The following TCF12 variants were observed in gnomAD, a reference collection of about 807,000 sequenced individuals.
The protein encoded by TCF12 is transcription factor 12.
In TCF12, 45 loss-of-function variants were observed where a neutral mutation model predicts 86.0. The observed-to-expected ratio is 0.52, with a 90% confidence interval of 0.41 to 0.67. The LOEUF is 0.67. TCF12 is among the 30% of genes least tolerant of loss of function. The pLI, the probability that TCF12 is intolerant of heterozygous loss-of-function variation, is 0.00. For synonymous variants in TCF12, 330 were observed against 299.6 expected (o/e 1.10, Z -1.05); for missense variants, 881 against 859.9 (o/e 1.02, Z -0.31).
At chr15:57,223,485 C>T (rs1597421240) in intron 8 of TCF12, among the ~76,000 whole-genome samples, 1 of 151,864 alleles carries the variant, frequency 6.6e-6, no homozygotes, top group African/African-American at 2.4e-5. Flanking sequence ...TTCATGAATA[C>T]TAATTGATGT....
At chr15:56,941,868 G>T (rs1214641269) in intron 3 of TCF12, among the ~76,000 whole-genome samples, 1 of 152,076 alleles carries the variant, frequency 6.6e-6, no homozygotes, top group Non-Finnish European at 1.5e-5. Context: ...TCTCATCTCA[G>T]TAATCTTCTT....
At chr15:56,961,631 A>G (rs34262415) in intron 3 of TCF12, among the ~76,000 whole-genome samples, 59,004 of 152,074 alleles carry the variant, frequency 0.39, 14,248 homozygotes, top group Non-Finnish European at 0.53. Flanking sequence ...AACTTTCCTC[A>G]TGTTTCAAAC....
intron 3 of TCF12, among the ~76,000 whole-genome samples, chr15:56,999,318 A>T (rs1436581864): frequency 6.6e-6 from 1 of 152,178 alleles, no homozygotes; most frequent in African/African-American, 2.4e-5. Flanking sequence ...TGACATTAAA[A>T]GTTGAGTTTC....
chr15:57,049,574 A>G (rs2067474722), intron 3 of TCF12, among the ~76,000 whole-genome samples: 1 of 152,214 alleles, frequency 6.6e-6, no homozygotes, highest in South Asian at 2.1e-4. Flanking sequence ...GTAGTATTTC[A>G]TTGTATCAAT....
intron 16 of TCF12, among the ~76,000 whole-genome samples, chr15:57,256,554 A>T (rs1012778111): frequency 1.8e-5 from 1 of 56,376 alleles, no homozygotes; most frequent in Non-Finnish European, 3.7e-5. Flanking sequence ...CCCCACCCCC[A>T]CCCCCACCCC....
At chr15:57,203,887 C>T (rs1421386780) in intron 8 of TCF12, among the ~76,000 whole-genome samples, 2 of 152,056 alleles carry the variant, frequency 1.3e-5, no homozygotes, top group East Asian at 1.9e-4. Flanking sequence ...GTGATTGGCA[C>T]CCCCTGTGGT....
chr15:56,970,492 A>C (rs949073764), intron 3 of TCF12, among the ~76,000 whole-genome samples: 7 of 151,338 alleles, frequency 4.6e-5, no homozygotes, highest in Admixed American at 2.0e-4. Flanking sequence ...AAAAAAAAAA[A>C]AAAAAAAAAA....
At chr15:57,000,770 G>A (rs1222874923) in intron 3 of TCF12, among the ~76,000 whole-genome samples, 1 of 151,924 alleles carries the variant, frequency 6.6e-6, no homozygotes, top group Non-Finnish European at 1.5e-5. Flanking sequence ...TTCTAGTACT[G>A]CACACCAAGC....
chr15:57,221,723 G>T (rs2058607002), intron 8 of TCF12, among the ~76,000 whole-genome samples: 1 of 151,964 alleles, frequency 6.6e-6, no homozygotes, highest in Admixed American at 6.5e-5. Flanking sequence ...CAAATCATAA[G>T]ACCCTAGACT....
At position 57,056,116 on chromosome 15, in the gene TCF12, G is replaced by GGTGTGTGTGTGTGT. The variant is rs137934114; in HGVS notation, c.149-7609_149-7596dup. Among the ~76,000 whole-genome samples, 473 of 143,316 alleles carry GGTGTGTGTGTGTGT rather than the reference G, an allele frequency of 3.3e-3. 5 individuals carry two copies. The highest frequency in any genetic ancestry group is 0.011 in the African/African-American group (412 of 37,240). The allele number at this position is 143,316 out of a possible 152,430, so 94.0% of individuals were successfully genotyped here. ...TAAATTTCAGATACTTAGTTTTAGGGGTGTGTGTGTGTGTGTGTGTGTGTG... is the reference window on the plus strand; with the variant it reads ...TAAATTTCAGATACTTAGTTTTAGGGGTGTGTGTGTGTGTGTGTGTGTGTGTGTGTGTGTGTGTG... On this transcript the variant is annotated intron_variant, in intron 3 of 20. Coordinates refer to ENST00000333725, the MANE Select transcript of TCF12 (RefSeq NM_207037.2).
At chr15:57,200,850 A>G (rs1021854311) in intron 8 of TCF12, among the ~76,000 whole-genome samples, 1 of 152,202 alleles carries the variant, frequency 6.6e-6, no homozygotes, top group Non-Finnish European at 1.5e-5. Context: ...GCTGTATTAA[A>G]TATCATTAGA....
chr15:57,100,183 A>G (rs1331794741), intron 5 of TCF12, among the ~76,000 whole-genome samples: 2 of 152,150 alleles, frequency 1.3e-5, no homozygotes, highest in Non-Finnish European at 2.9e-5. Context: ...AGATGTTCTG[A>G]GTTCTGCCTG....
At chr15:57,020,035 A>G (rs752556219) in intron 3 of TCF12, among the ~76,000 whole-genome samples, 40 of 152,178 alleles carry the variant, frequency 2.6e-4, no homozygotes, top group Non-Finnish European at 4.6e-4. Context: ...GTGAGGCTAG[A>G]AGCAAGGTGG....
In TCF12 at chr15:57,272,379, G is replaced by A. The variant is rs191462604; in HGVS notation, c.1746-651G>A. 3.9e-3 allele frequency among the ~76,000 whole-genome samples: 597 copies of A among 152,232 alleles called. 1 individual carries two copies. Among genetic ancestry groups the A allele is most frequent in the Non-Finnish European group, 7.0e-3 (477 of 68,010 alleles). On this transcript the variant is annotated intron_variant, in intron 18 of 20. Coordinates refer to ENST00000333725, the MANE Select transcript of TCF12 (RefSeq NM_207037.2). ...CAAAAAATTGTGTCATTTCTCCCATGTTTTATAATTATCACCACTGATGAT... is the reference window on the plus strand; with the variant it reads ...CAAAAAATTGTGTCATTTCTCCCATATTTTATAATTATCACCACTGATGAT...
At chr15:56,976,224 C>CTTTTTTTTT (rs35959497) in intron 3 of TCF12, among the ~76,000 whole-genome samples, 1 of 57,376 alleles carries the variant, frequency 1.7e-5, no homozygotes, top group Non-Finnish European at 3.0e-5. Flanking sequence ...AAGGAAGTTT[C>CTTTTTTTTT]TTTTTTTTTT....
intron 6 of TCF12, among the ~76,000 whole-genome samples, chr15:57,180,545 C>A (rs1299263801): frequency 1.3e-4 from 20 of 152,014 alleles, no homozygotes; most frequent in African/African-American, 4.6e-4. Context: ...TCCACATACT[C>A]CCTCCCCCAA....
intron 4 of TCF12, chr15:57,072,616 G>A (rs2951904): frequency 0.58 from 727,855 of 1,265,406 alleles, 210,947 homozygotes; most frequent in Admixed American, 0.65. Flanking sequence ...AAGGACACAC[G>A]AATTTTGAAA....
At chr15:57,242,071 T>C (rs1339045335) in intron 12 of TCF12, among the ~76,000 whole-genome samples, 1 of 152,110 alleles carries the variant, frequency 6.6e-6, no homozygotes, top group African/African-American at 2.4e-5. Context: ...AATCTGGCTT[T>C]GTCAAATCTT....
chr15:57,240,387 T>C (rs998646860), intron 12 of TCF12, among the ~76,000 whole-genome samples: 10 of 152,210 alleles, frequency 6.6e-5, no homozygotes, highest in Admixed American at 6.5e-4. Flanking sequence ...AAAATGCTGC[T>C]TCATGAGTTG....
Sources: gnomAD v4.1 joint callset for allele counts (sites outside exome capture counted in the v4.1 genomes callset) on GRCh38, gnomAD v4.1.1 for gene constraint, MANE v1.5 for transcripts, NCBI Gene and HGNC (gene_info 2026-07-23, HGNC 2026-07-21) for gene names.